Variants in FGD4 observed in about 807,000 individuals in gnomAD.
The protein encoded by FGD4 is FYVE, RhoGEF and PH domain containing 4.
FGD4 carries 42 observed loss-of-function variants against 102.0 expected under a neutral mutation model. That is an observed-to-expected ratio of 0.41 (90% CI 0.32 to 0.53). FGD4 has a LOEUF of 0.53. Ranked by LOEUF, FGD4 falls within the 20% of genes least tolerant of loss-of-function variation. FGD4 has a pLI of 0.21. For synonymous variants in FGD4, 380 were observed against 375.7 expected (o/e 1.01, Z -0.13); for missense variants, 902 against 1,078.2 (o/e 0.84, Z 2.29).
chr12:32,416,821 TTC>T (rs1227822684), intron 1 of FGD4, among the ~76,000 whole-genome samples: 3 of 152,172 alleles, frequency 2.0e-5, no homozygotes, highest in Non-Finnish European at 4.4e-5. Flanking sequence ...ATTCCTGTTT[TTC>T]TGTGTGCCAT....
chr12:32,556,004 A>T (rs1242667384), intron 1 of FGD4, among the ~76,000 whole-genome samples: 1 of 148,136 alleles, frequency 6.8e-6, no homozygotes, highest in Non-Finnish European at 1.5e-5. Flanking sequence ...TGCCCAGCTA[A>T]TTTTTTTTTT....
At chr12:32,574,191 A>G (rs1489596941) in intron 2 of FGD4, among the ~76,000 whole-genome samples, 1 of 152,208 alleles carries the variant, frequency 6.6e-6, no homozygotes, top group Non-Finnish European at 1.5e-5. Context: ...CTCATCTGGC[A>G]CATAATAAAT....
At chr12:32,526,811 A>G (rs892695030) in intron 1 of FGD4, among the ~76,000 whole-genome samples, 7 of 152,196 alleles carry the variant, frequency 4.6e-5, no homozygotes, top group African/African-American at 1.2e-4. Flanking sequence ...GAACAACTCC[A>G]GATGCCCCGC....
Position 32,439,677 on chromosome 12 carries a change from G to A in FGD4, c.166+39718G>A, listed in dbSNP as rs189573558. Among the ~76,000 whole-genome samples the A allele has an allele frequency of 1.5e-3, 221 of 152,264 alleles. 1 individual carries two copies. Among genetic ancestry groups the A allele is most frequent in the African/African-American group, 5.0e-3 (208 of 41,550 alleles). ...CTTCTTTGGGTTAAATCTGCTTGGT[G>A]TTCTGTAACCTTTTACTTGGATATT... On this transcript the variant is annotated intron_variant, in intron 1 of 16. Coordinates refer to ENST00000534526, the MANE Select transcript of FGD4 (RefSeq NM_001370298.3).
intron 1 of FGD4, among the ~76,000 whole-genome samples, chr12:32,466,170 T>G (rs1943247853): frequency 6.6e-6 from 1 of 152,228 alleles, no homozygotes; most frequent in African/African-American, 2.4e-5. Flanking sequence ...AACATAACTT[T>G]AACTTTTATA....
intron 1 of FGD4, among the ~76,000 whole-genome samples, chr12:32,490,264 C>A (rs1944042146): frequency 6.6e-6 from 1 of 152,110 alleles, no homozygotes; most frequent in Non-Finnish European, 1.5e-5. Flanking sequence ...TTTCCAGAAT[C>A]TAAACTATCT....
rs1250244700 is a variant in FGD4, at chr12:32,544,593, C to A, written c.167-19544C>A. On this transcript the variant is annotated intron_variant, in intron 1 of 16. Transcript: ENST00000534526. The surrounding 1 kb of genome is among the most constrained non-coding windows in gnomAD (Gnocchi z 4.1). ...CAAAAAAATACAAAAATGAGCCGGG[C>A]GTGGTGGCTCACACCTGTGGTTCCA... Among the ~76,000 whole-genome samples, 1 of 151,886 alleles carries A rather than the reference C, an allele frequency of 6.6e-6. No individual in the cohort carries two copies. The highest frequency in any genetic ancestry group is 2.4e-5 in the African/African-American group (1 of 41,332).
At chr12:32,400,718 C>T (rs142543616) in intron 1 of FGD4, among the ~76,000 whole-genome samples, 1 of 152,226 alleles carries the variant, frequency 6.6e-6, no homozygotes, top group East Asian at 1.9e-4. Flanking sequence ...TTTAAAATCC[C>T]CTCCCCTCCT....
intron 1 of FGD4, among the ~76,000 whole-genome samples, chr12:32,495,695 CAAAAAAA>C (rs766436638): frequency 1.3e-5 from 1 of 76,076 alleles, no homozygotes; most frequent in African/African-American, 5.4e-5. Context: ...GACTCTGTTT[CAAAAAAA>C]AAAAAAAAAA....
intron 1 of FGD4, among the ~76,000 whole-genome samples, chr12:32,430,874 A>G (rs1342714073): frequency 6.6e-6 from 1 of 152,190 alleles, no homozygotes; most frequent in Non-Finnish European, 1.5e-5. Context: ...AAAATGGTAA[A>G]CTCAGGCCAT....
chr12:32,476,723 A>G (rs761218324), intron 1 of FGD4, among the ~76,000 whole-genome samples: 2 of 152,192 alleles, frequency 1.3e-5, no homozygotes, highest in African/African-American at 2.4e-5. Context: ...TTAAAAAAAC[A>G]TAAAAGAAGG....
chr12:32,594,964 G>A lies in FGD4; in HGVS notation c.1012-3533G>A, dbSNP rs59522444. Among the ~76,000 whole-genome samples, 337 of 150,966 alleles carry A rather than the reference G, an allele frequency of 2.2e-3. 1 individual carries two copies. The highest frequency in any genetic ancestry group is 7.9e-3 in the African/African-American group (326 of 41,176). ...GAGAATTGCTTGAACCCGGTAGGCA[G>A]AGGTTGCAGTGAGCCAAGATCACGC... On this transcript the variant is annotated intron_variant, in intron 4 of 16. Transcript: ENST00000534526.
intron 1 of FGD4, among the ~76,000 whole-genome samples, chr12:32,417,550 C>G (rs7297381): frequency 0.18 from 27,155 of 151,624 alleles, 3,027 homozygotes; most frequent in East Asian, 0.29. Context: ...CTCTGCCTCC[C>G]AGGTTAAAGT....
chr12:32,551,143 G>A (rs1036697472), intron 1 of FGD4, among the ~76,000 whole-genome samples: 10 of 152,200 alleles, frequency 6.6e-5, no homozygotes, highest in Non-Finnish European at 1.0e-4. Context: ...AACAGGCGGT[G>A]CTAAAGCCAG....
Position 32,590,564 on chromosome 12 carries a change from G to A in FGD4, c.1012-7933G>A, listed in dbSNP as rs75668247. 7.5e-3 allele frequency among the ~76,000 whole-genome samples: 1,137 copies of A among 152,184 alleles called. 11 individuals carry two copies. The highest frequency in any genetic ancestry group is 0.026 in the African/African-American group (1,080 of 41,502). ...AGAGGGATTTCTCCTCATGCAAAAG[G>A]CTGTAGCAGAGCACAAGTTGGTTTT... On this transcript the variant is annotated intron_variant, in intron 4 of 16. Coordinates refer to ENST00000534526, the MANE Select transcript of FGD4 (RefSeq NM_001370298.3).
At chr12:32,556,680 A>T (rs1001122329) in intron 1 of FGD4, among the ~76,000 whole-genome samples, 1 of 151,802 alleles carries the variant, frequency 6.6e-6, no homozygotes, top group Non-Finnish European at 1.5e-5. Context: ...GACGTGGTGA[A>T]ACCCTGTCTC....
chr12:32,550,395 A>C (rs1416706399), intron 1 of FGD4, among the ~76,000 whole-genome samples: 1 of 152,116 alleles, frequency 6.6e-6, no homozygotes, highest in Non-Finnish European at 1.5e-5. Context: ...GATGGGCATG[A>C]GTGGTGGCTC....
chr12:32,488,144 C>T (rs985894995), intron 1 of FGD4, among the ~76,000 whole-genome samples: 37 of 151,304 alleles, frequency 2.4e-4, no homozygotes, highest in African/African-American at 9.0e-4. Flanking sequence ...TATCAATTGG[C>T]CTGAGATTTT....
chr12:32,524,882 A>G (rs981533449), intron 1 of FGD4, among the ~76,000 whole-genome samples: 1 of 152,194 alleles, frequency 6.6e-6, no homozygotes, highest in African/African-American at 2.4e-5. Context: ...ACTAATAAAC[A>G]TTTATAAACA....
Sources: allele counts gnomAD v4.1 joint callset (sites outside exome capture counted in the v4.1 genomes callset), GRCh38; gene constraint gnomAD v4.1.1; non-coding constraint Gnocchi (gnomAD v3.1); transcripts MANE v1.5; gene names NCBI Gene and HGNC (gene_info 2026-07-23, HGNC 2026-07-21).